ESR1: variants seen among roughly 807,000 people sequenced by gnomAD.
The protein encoded by ESR1 is estrogen receptor.
A neutral mutation model predicts 52.7 loss-of-function variants in ESR1; 12 were observed. That is an observed-to-expected ratio of 0.23 (90% CI 0.15 to 0.37). ESR1 has a LOEUF of 0.37. ESR1 is among the 10% of genes least tolerant of loss of function. The pLI is 1.00. For missense variants in ESR1, 584 were observed against 779.7 expected (o/e 0.75, Z 2.99); for synonymous variants, 305 against 316.8 (o/e 0.96, Z 0.39).
intron 6 of ESR1, among the ~76,000 whole-genome samples, chr6:152,079,172 C>A (rs188403393): frequency 6.6e-6 from 1 of 152,082 alleles, no homozygotes; most frequent in Non-Finnish European, 1.5e-5. Flanking sequence ...ACCAAGAGAC[C>A]GCCACCTCAA....
At chr6:152,067,739 A>C (rs967355877) in intron 6 of ESR1, among the ~76,000 whole-genome samples, 2 of 152,272 alleles carry the variant, frequency 1.3e-5, no homozygotes, top group African/African-American at 4.8e-5. Flanking sequence ...ATGCAGGAGA[A>C]TCACTTGAAC....
chr6:151,941,107 T>C (rs1223994855), intron 3 of ESR1, among the ~76,000 whole-genome samples: 2 of 152,234 alleles, frequency 1.3e-5, no homozygotes, highest in African/African-American at 4.8e-5. Context: ...ATATTATTTT[T>C]AAAGTACTTT....
At chr6:151,657,782 A>G (rs1342815827) in intron 1 of ESR1, among the ~76,000 whole-genome samples, 1 of 152,198 alleles carries the variant, frequency 6.6e-6, no homozygotes, top group East Asian at 1.9e-4. Flanking sequence ...GCTTATTGAA[A>G]TCAAGGTTGA....
At chr6:151,969,071 C>G (rs9371568) in intron 4 of ESR1, among the ~76,000 whole-genome samples, 188 of 151,982 alleles carry the variant, frequency 1.2e-3, no homozygotes, top group Non-Finnish European at 1.6e-3. Flanking sequence ...TTCTCTACGC[C>G]GTTCTGAATG....
In ESR1 at chr6:151,945,327, C is replaced by T. The variant is rs112980389; in HGVS notation, c.1096+819C>T. Among the ~76,000 whole-genome samples the T allele has an allele frequency of 4.3e-4, 66 of 152,254 alleles. 2 individuals are homozygous for T. The highest frequency in any genetic ancestry group is 1.5e-3 in the African/African-American group (64 of 41,526). ...AATTATTTATCCAACCTGGTGTATG[C>T]TTAGTGTTTTAGGAGAAAGAGAAAG... On this transcript the variant is annotated intron_variant, in intron 4 of 7. Transcript: ENST00000206249.
At chr6:151,884,670 A>C (rs1469698037) in intron 3 of ESR1, among the ~76,000 whole-genome samples, 1 of 152,180 alleles carries the variant, frequency 6.6e-6, no homozygotes, top group Non-Finnish European at 1.5e-5. Context: ...TCCCAGCATC[A>C]TTATTAGATT....
At chr6:151,913,417 T>C (rs910445289) in intron 3 of ESR1, among the ~76,000 whole-genome samples, 1 of 152,252 alleles carries the variant, frequency 6.6e-6, no homozygotes, top group Non-Finnish European at 1.5e-5. Flanking sequence ...GTAATTATAA[T>C]TAAGATTTTG....
rs185418103 is a variant in ESR1 at position 151,843,241 on chromosome 6, T to C, written c.643+454T>C. Among the ~76,000 whole-genome samples, 30 of 152,350 alleles carry C rather than the reference T, an allele frequency of 2.0e-4. No homozygotes were observed. In the Middle Eastern group the frequency reaches 0.01, roughly 52 times the overall value. ...GCAAATATTCTGTTTTGTTCTAGTT[T>C]AGCTTGTTCTCCCCTTTCTCTCTTC... On this transcript the variant is annotated intron_variant, in intron 2 of 7. Coordinates refer to ENST00000206249, the MANE Select transcript of ESR1 (RefSeq NM_000125.4).
exon 7 of ESR1, chr6:152,128,250 C>T (rs1379993982): frequency 2.0e-5 from 3 of 152,216 alleles, no homozygotes; most frequent in Non-Finnish European, 4.4e-5. Flanking sequence ...GTGTGTTTAA[C>T]CTCAAATAAC....
chr6:151,931,488 C>T (rs1038548238), intron 3 of ESR1, among the ~76,000 whole-genome samples: 5 of 152,012 alleles, frequency 3.3e-5, no homozygotes, highest in Middle Eastern at 3.4e-3. Context: ...TTTTAGGGTA[C>T]ATGTGCACAT....
chr6:151,732,124 A>G (rs1378763364), intron 2 of ESR1, among the ~76,000 whole-genome samples: 1 of 152,222 alleles, frequency 6.6e-6, no homozygotes, highest in Admixed American at 6.5e-5. Flanking sequence ...GTTAGAAATG[A>G]TAATTTTTAT....
intron 4 of ESR1, among the ~76,000 whole-genome samples, chr6:151,948,113 T>C (rs2035916631): frequency 1.3e-5 from 2 of 152,158 alleles, no homozygotes; most frequent in African/African-American, 4.8e-5. Context: ...GGAAAAAATA[T>C]GACTGCAAGA....
At chr6:151,747,480 T>C (rs917816779) in intron 2 of ESR1, among the ~76,000 whole-genome samples, 18 of 152,230 alleles carry the variant, frequency 1.2e-4, no homozygotes, top group African/African-American at 4.1e-4. Context: ...CATCTGCTCT[T>C]TGCAACCATT....
At chr6:152,017,744 G>T (rs573037302) in intron 5 of ESR1, among the ~76,000 whole-genome samples, 2 of 152,142 alleles carry the variant, frequency 1.3e-5, no homozygotes, top group African/African-American at 4.8e-5. Flanking sequence ...GGGTCTCTTT[G>T]CTTTCAAAGA....
At chr6:151,989,302 A>G (rs2040799426) in intron 4 of ESR1, among the ~76,000 whole-genome samples, 1 of 152,152 alleles carries the variant, frequency 6.6e-6, no homozygotes, top group Non-Finnish European at 1.5e-5. Flanking sequence ...GTCTTAATCA[A>G]AAACAAGATG....
intron 3 of ESR1, among the ~76,000 whole-genome samples, chr6:151,901,325 C>T (rs1287212380): frequency 3.3e-5 from 5 of 152,132 alleles, no homozygotes; most frequent in South Asian, 2.1e-4. Context: ...TTGCAGGCAG[C>T]GGATGAGCAA....
chr6:151,792,190 T>C lies in ESR1; in HGVS notation c.-70-15653T>C, dbSNP rs372965624. 3.3e-5 allele frequency among the ~76,000 whole-genome samples: 5 copies of C among 152,258 alleles called. No homozygotes were observed. The East Asian group carries it at 9.7e-4, about 29-fold the overall frequency. Reference sequence around the variant, plus strand: ...TAGAAAAGGCACAGTGAAAATATGGTATAAGAGATAAAAAATGGTCCACCT... The same window carrying C: ...TAGAAAAGGCACAGTGAAAATATGGCATAAGAGATAAAAAATGGTCCACCT... On this transcript the variant is annotated intron_variant, in intron 2 of 2. Coordinates refer to the ESR1 transcript ENST00000404742.
chr6:151,991,950 A>G (rs2128716915), intron 4 of ESR1, among the ~76,000 whole-genome samples: 1 of 151,962 alleles, frequency 6.6e-6, no homozygotes, highest in Admixed American at 6.5e-5. Flanking sequence ...CCCTCTTTTT[A>G]ACTGACATGA....
chr6:152,036,972 G>A (rs2045360575), intron 5 of ESR1, among the ~76,000 whole-genome samples: 1 of 152,202 alleles, frequency 6.6e-6, no homozygotes, highest in Non-Finnish European at 1.5e-5. Context: ...AGAAAAGAGA[G>A]CAATGTTTTT....
Sources: allele counts gnomAD v4.1 joint callset (sites outside exome capture counted in the v4.1 genomes callset), GRCh38; gene constraint gnomAD v4.1.1; transcripts MANE v1.5; gene names NCBI Gene and HGNC (gene_info 2026-07-23, HGNC 2026-07-21).